PEX5: variants seen among roughly 807,000 people sequenced by gnomAD.
The protein encoded by PEX5 is PTS1 receptor.
In PEX5, 52 loss-of-function variants were observed where a neutral mutation model predicts 82.9. The ratio of observed to expected loss-of-function variants is 0.63; its 90% CI spans 0.50 to 0.79. The LOEUF (loss-of-function observed/expected upper bound fraction) is 0.79. Among genes scored for constraint, PEX5 ranks in the 30% least tolerant of loss-of-function variants. PEX5 has a pLI of 0.00. For synonymous variants in PEX5, 300 were observed against 318.8 expected (o/e 0.94, Z 0.63); for missense variants, 719 against 815.2 (o/e 0.88, Z 1.44).
intron 14 of PEX5, 150 bp downstream of exon 14, chr12:7,209,320 A>G: frequency 1.2e-6 from 1 of 811,896 alleles, no homozygotes; most frequent in Non-Finnish European, 2.1e-6. Flanking sequence ...GGGAGTTCAA[A>G]TCCAGCCTGG....
Position 7,208,543 on chromosome 12 carries a change from G to A in PEX5, c.1268G>A (p.Cys423Tyr), listed in dbSNP as rs1945110854. 6.2e-7 allele frequency: 1 copy of A among 1,614,034 alleles called. No homozygotes were observed. The highest frequency in any genetic ancestry group is 1.6e-4 in the Middle Eastern group (1 of 6,084). Residue 423 changes from cysteine to tyrosine, a missense_variant, in exon 13 of 16, where the codon TGT becomes TAT. By Grantham distance (194) the Cys-to-Tyr change is radical. Coordinates refer to ENST00000675855, the MANE Select transcript of PEX5 (RefSeq NM_001351132.2). ...FTNESLQRQA[C>Y]ETLRDWLRYT... ...AACGAGTCCCTGCAGCGACAGGCCT[G>A]TGAAACCCTACGAGACTGGCTGCGG...
intron 17 of PEX5, among the ~76,000 whole-genome samples, chr12:7,217,150 T>G (rs779015941): frequency 6.6e-6 from 1 of 152,290 alleles, no homozygotes; most frequent in East Asian, 1.9e-4. Flanking sequence ...TTGGGCAAAT[T>G]AAGGTGGTGA....
chr12:7,202,059 A>C, intron 7 of PEX5, 182 bp from the exon 8 acceptor site: 2 of 949,862 alleles, frequency 2.1e-6, no homozygotes, highest in Non-Finnish European at 1.6e-6. Flanking sequence ...TGCCTTTGCA[A>C]GTCTTTAGAG....
In PEX5 at chr12:7,208,012, T is replaced by A; in HGVS notation, c.1113T>A (p.Ala371=). ...AVQQDPKHME[A]WQYLGTTQAE... is the part of the protein sequence containing the mutation. ...GGAATCTGTCAACTTCCCTCTAGGC[T>A]TGGCAGTATCTGGGTACCACCCAGG... is the stretch of plus-strand genomic sequence containing the variant. The change falls in exon 12 of 16, where the codon GCT becomes GCA. Residue 371 remains alanine, a splice_region_variant and synonymous_variant. Transcript: ENST00000675855. 6.2e-7 allele frequency: 1 copy of A among 1,613,336 alleles called. No individual in the cohort carries two copies. The highest frequency in any genetic ancestry group is 8.5e-7 in the Non-Finnish European group (1 of 1,179,300).
intron 5 of PEX5, among the ~76,000 whole-genome samples, chr12:7,194,268 A>T (rs1941709862): frequency 6.6e-6 from 1 of 152,064 alleles, no homozygotes; most frequent in Non-Finnish European, 1.5e-5. Flanking sequence ...CAGCTCAATT[A>T]TTTAAATTTA....
chr12:7,204,579 G>A (rs765632306), intron 10 of PEX5, among the ~76,000 whole-genome samples: 4 of 152,116 alleles, frequency 2.6e-5, no homozygotes, highest in Non-Finnish European at 5.9e-5. Flanking sequence ...TAGACTATGA[G>A]TTCATTGTAT....
rs368826291 is a variant in PEX5, at chr12:7,210,827, A to G, written c.*604A>G. On this transcript the variant is annotated 3_prime_UTR_variant, in exon 16 of 16. Transcript: ENST00000675855. ...TCCCTGTGAGCACGATGCTGATGCA[A>G]TAGTCCTGTGTCATCACTGCAGCGG... 6 of 196,830 alleles carry G rather than the reference A, an allele frequency of 3.0e-5. No individual in the cohort carries two copies. The highest frequency in any genetic ancestry group is 3.0e-4 in the South Asian group (3 of 9,958). 12.2% of individuals were successfully genotyped at this position (196,830 alleles called of 1,614,324 possible).
At chr12:7,216,292 A>T (rs757184889), downstream of PEX5, among the ~76,000 whole-genome samples, 2 of 152,190 alleles carry the variant, frequency 1.3e-5, no homozygotes, top group Non-Finnish European at 1.5e-5. Flanking sequence ...ACTCACACCC[A>T]TATATACATT....
Position 7,207,818 on chromosome 12 carries a change from G to A in PEX5, c.1110+16G>A, listed in dbSNP as rs372043071. 6.2e-6 allele frequency: 10 copies of A among 1,613,404 alleles called. No individual in the cohort carries two copies. In the African/African-American group the frequency reaches 1.3e-4, roughly 22 times the overall value. ...GCACATGGAAGTGAGTGACTCCATA[G>A]TCTCATTTCTGGCTAGAGACTGCTT... On this transcript the variant is annotated intron_variant, in intron 11 of 15. Coordinates refer to ENST00000675855, the MANE Select transcript of PEX5 (RefSeq NM_001351132.2).
rs1374334296 is a variant in PEX5 at position 7,208,537 on chromosome 12, A to AG, written c.1264dup (p.Ala422GlyfsTer3). On this transcript the variant is annotated frameshift_variant, in exon 13 of 16. Coordinates refer to ENST00000675855, the MANE Select transcript of PEX5 (RefSeq NM_001351132.2). LOFTEE classifies it high-confidence loss of function. ...TTCACCAACGAGTCCCTGCAGCGAC[A>AG]GGCCTGTGAAACCCTACGAGACTGG... 1 of 1,614,150 alleles carries AG rather than the reference A, an allele frequency of 6.2e-7. No homozygotes were observed. Among genetic ancestry groups the AG allele is most frequent in the Non-Finnish European group, 8.5e-7 (1 of 1,179,960 alleles).
chr12:7,202,818 T>A, intron 9 of PEX5, 114 bp downstream of exon 9: 1 of 835,150 alleles, frequency 1.2e-6, no homozygotes, highest in South Asian at 1.4e-5. Flanking sequence ...ACCTGGATCA[T>A]CTGTGTCAGA....
chr12:7,202,084 C>T (rs1944141413), intron 7 of PEX5, 157 bp from the exon 8 acceptor site: 7 of 1,192,764 alleles, frequency 5.9e-6, no homozygotes, highest in Non-Finnish European at 8.5e-6. Flanking sequence ...AAATCCCTTT[C>T]TTTTTGCTCT....
At chr12:7,196,232 TTTAATTATATGTCATATTTAA>T (rs1437927698) in intron 5 of PEX5, among the ~76,000 whole-genome samples, 2 of 37,320 alleles carry the variant, frequency 5.4e-5, no homozygotes, top group African/African-American at 1.1e-4. Context: ...TCATATATAA[TTTAATTATATGTCATATTTAA>T]TTATATATGT....
At chr12:7,209,386 T>C (rs898625250) in intron 14 of PEX5, among the ~76,000 whole-genome samples, 5 of 152,102 alleles carry the variant, frequency 3.3e-5, no homozygotes, top group African/African-American at 1.2e-4. Flanking sequence ...GTTCAGACTT[T>C]TGGAGTCTTG....
intron 1 of PEX5, chr12:7,190,128 A>G (rs755651692): frequency 6.8e-7 from 1 of 1,479,112 alleles, no homozygotes; most frequent in Non-Finnish European, 8.9e-7. Context: ...GTAGTCGCGG[A>G]GGCCTCTGCA....
At chr12:7,207,921 G>A in intron 11 of PEX5, 89 bp from the exon 12 acceptor site, 7 of 1,515,066 alleles carry the variant, frequency 4.6e-6, no homozygotes, top group Non-Finnish European at 6.4e-6. Context: ...ATAGGGGCTT[G>A]AGAGCGAGAT....
intron 1 of PEX5, chr12:7,190,135 T>C: frequency 6.7e-7 from 1 of 1,486,814 alleles, no homozygotes; most frequent in Non-Finnish European, 8.9e-7. Flanking sequence ...CGGAGGCCTC[T>C]GCAGAGGCGC....
rs1270887683 is a variant in PEX5 at position 7,199,345 on chromosome 12, C to T, written c.551+232C>T. Among the ~76,000 whole-genome samples, 3 of 150,754 alleles carry T rather than the reference C, an allele frequency of 2.0e-5. No individual in the cohort carries two copies. The East Asian group carries it at 5.8e-4, about 29-fold the overall frequency. On this transcript the variant is annotated intron_variant, in intron 6 of 15. Coordinates refer to ENST00000675855, the MANE Select transcript of PEX5 (RefSeq NM_001351132.2). ...TCTCTGGTTTTCCTAGGCAGAGGAC[C>T]CTGCGGCCTTCCGCAGTGTTTGTGT...
intron 5 of PEX5, among the ~76,000 whole-genome samples, chr12:7,192,109 G>T (rs115793866): frequency 2.0e-5 from 3 of 152,156 alleles, no homozygotes; most frequent in African/African-American, 7.2e-5. Context: ...TGCCTGAAGT[G>T]TATGGCTTTA....
Sources: allele counts gnomAD v4.1 joint callset (sites outside exome capture counted in the v4.1 genomes callset), GRCh38; gene constraint gnomAD v4.1.1; transcripts MANE v1.5; gene names NCBI Gene and HGNC (gene_info 2026-07-23, HGNC 2026-07-21).